CACNA1G: variants seen among roughly 807,000 people sequenced by gnomAD.
CACNA1G encodes the protein calcium voltage-gated channel subunit alpha1 G.
In CACNA1G, 67 loss-of-function variants were observed where a neutral mutation model predicts 219.4. The observed-to-expected ratio is 0.31, with a 90% CI of 0.25 to 0.37. CACNA1G has a LOEUF of 0.37. Among genes scored for constraint, CACNA1G ranks in the 10% least tolerant of loss-of-function variants. The pLI is 1.00. For synonymous variants in CACNA1G, 1,296 were observed against 1,345.3 expected (o/e 0.96, Z 0.80); for missense variants, 2,380 against 3,231.4 (o/e 0.74, Z 6.39).
At chr17:50,569,606 G>A (rs2038892990) in intron 3 of CACNA1G, 100 bp from the exon 4 acceptor site, 1 of 837,704 alleles carries the variant, frequency 1.2e-6, no homozygotes, top group Non-Finnish European at 1.9e-6. Flanking sequence ...AGGAGTCAGA[G>A]GTCATCCTGC....
Position 50,600,670 on chromosome 17 carries a change from G to C in CACNA1G, c.3691-56G>C. On this transcript the variant is annotated intron_variant, in intron 17 of 37. Transcript: ENST00000359106. The surrounding 1 kb of genome is among the most constrained non-coding windows in gnomAD (Gnocchi z 4.1). ...GGCTCGTGACTCTGCTGAGGAGCCAGGAGCCGGGGAACCTGGAGGCCTGGT... is the reference window on the plus strand; with the variant it reads ...GGCTCGTGACTCTGCTGAGGAGCCACGAGCCGGGGAACCTGGAGGCCTGGT... 2.0e-6 allele frequency: 3 copies of C among 1,465,292 alleles called. No individual in the cohort carries two copies. Among genetic ancestry groups the C allele is most frequent in the Non-Finnish European group, 2.9e-6 (3 of 1,045,994 alleles). The allele number at this position is 1,465,292 out of a possible 1,614,324, so 90.8% of individuals were successfully genotyped here.
At position 50,564,125 on chromosome 17, in the gene CACNA1G, A is replaced by AGTGTGTGTGTGTGTGTGTGTGT. The variant is rs67152102; in HGVS notation, c.242+2441_242+2462dup. 1.5e-3 allele frequency among the ~76,000 whole-genome samples: 214 copies of AGTGTGTGTGTGTGTGTGTGTGT among 138,692 alleles called. 3 individuals carry two copies. The highest frequency in any genetic ancestry group is 5.6e-3 in the African/African-American group (193 of 34,288). The allele number at this position is 138,692 out of a possible 152,430, so 91.0% of individuals were successfully genotyped here. A position where few individuals can be genotyped will look rare whatever the true frequency, so the allele number is the denominator to read the frequency against. ...AGAGGAGATCTAGACCCAGGTAGGAAGTGTGTGTGTGTGTGTGTGTGTGTG... is the reference window on the plus strand; with the variant it reads ...AGAGGAGATCTAGACCCAGGTAGGAAGTGTGTGTGTGTGTGTGTGTGTGTGTGTGTGTGTGTGTGTGTGTGTG... On this transcript the variant is annotated intron_variant, in intron 1 of 37. Coordinates refer to ENST00000359106, the MANE Select transcript of CACNA1G (RefSeq NM_018896.5).
rs769689384 is a variant in CACNA1G at position 50,590,488 on chromosome 17, C to T, written c.2319C>T (p.Asn773=). 1.7e-5 allele frequency: 28 copies of T among 1,613,800 alleles called. No homozygotes were observed. Among genetic ancestry groups the T allele is most frequent in the South Asian group, 4.4e-5 (4 of 91,092 alleles). The change falls in exon 10 of 38, where the codon AAC becomes AAT. Residue 773 remains asparagine, a synonymous_variant. Coordinates refer to ENST00000359106, the MANE Select transcript of CACNA1G (RefSeq NM_018896.5). ...CCCTGCAGCCCGAGGAGCTTACCAA[C>T]GCCCTAGAAATCAGCAACATCGTCT... ...EYHEQPEELT[N]ALEISNIVFT...
chr17:50,566,709 G>T (rs2037968315), intron 1 of CACNA1G, among the ~76,000 whole-genome samples: 1 of 152,230 alleles, frequency 6.6e-6, no homozygotes, highest in African/African-American at 2.4e-5. Context: ...TTGATTGGTT[G>T]ATTCGTTCAT....
At chr17:50,594,914 T>G in intron 13 of CACNA1G, 79 bp from the exon 14 acceptor site, 1 of 1,097,960 alleles carries the variant, frequency 9.1e-7, no homozygotes, top group South Asian at 1.4e-5. Flanking sequence ...TTCTTCATCC[T>G]CTCTCGACAC....
At chr17:50,581,020 A>G (rs1194238364) in intron 9 of CACNA1G, among the ~76,000 whole-genome samples, 1 of 148,188 alleles carries the variant, frequency 6.7e-6, no homozygotes, top group Non-Finnish European at 1.5e-5. Context: ...ACAGAGACAC[A>G]TGGGGGAATG....
chr17:50,587,617 G>A (rs549751498), intron 9 of CACNA1G, among the ~76,000 whole-genome samples: 6 of 152,348 alleles, frequency 3.9e-5, no homozygotes, highest in African/African-American at 1.4e-4. Context: ...AGAAGAAGTG[G>A]CATTTACCCT....
intron 7 of CACNA1G, among the ~76,000 whole-genome samples, chr17:50,575,003 T>A (rs1181253093): frequency 6.6e-6 from 1 of 152,130 alleles, no homozygotes; most frequent in South Asian, 2.1e-4. Context: ...TGAGGTCCCA[T>A]GGCTAAGGGT....
At chr17:50,581,618 G>A (rs992223170) in intron 9 of CACNA1G, among the ~76,000 whole-genome samples, 2 of 152,222 alleles carry the variant, frequency 1.3e-5, no homozygotes, top group East Asian at 3.9e-4. Context: ...CCCGGGGCTG[G>A]CCCCATGCTG....
chr17:50,576,400 G>A, intron 8 of CACNA1G, 74 bp downstream of exon 8: 8 of 1,432,490 alleles, frequency 5.6e-6, no homozygotes, highest in African/African-American at 1.4e-5. Flanking sequence ...GGACTAGGGG[G>A]TCTGGAGTCA....
In CACNA1G at chr17:50,596,775, C is replaced by T. The variant is rs573756072; in HGVS notation, c.3110C>T (p.Pro1037Leu). The part of the protein sequence containing the change: ...EHPELRKSLL[P>L]PLIIHTAATP... The stretch of plus-strand genomic sequence containing the variant: ...CCGGAGCTGCGGAAGAGCCTGCTGC[C>T]GCCTCTCATCATCCACACGGCCGCC... The change falls in exon 16 of 38, where the codon CCG (proline) becomes CTG (leucine). Residue 1037 changes from proline to leucine, a missense_variant. By Grantham distance (98) the Pro-to-Leu change is moderately conservative. Around this residue, in one of 17 missense-constraint regions of CACNA1G, gnomAD observed 418 missense variants for 434.3 expected, o/e 0.96. Coordinates refer to ENST00000359106, the MANE Select transcript of CACNA1G (RefSeq NM_018896.5). This position sits in a 1 kb window ranked among gnomAD's most constrained non-coding sequence, Gnocchi z 4.8. The T allele has an allele frequency of 5.0e-6, 8 of 1,612,522 alleles. No homozygotes were observed. The highest frequency in any genetic ancestry group is 6.8e-6 in the Non-Finnish European group (8 of 1,179,754).
chr17:50,585,864 C>T (rs1454220368), intron 9 of CACNA1G, among the ~76,000 whole-genome samples: 1 of 152,188 alleles, frequency 6.6e-6, no homozygotes, highest in Admixed American at 6.5e-5. Context: ...GTGGGAGCAG[C>T]AGGCAGGCCC....
In CACNA1G at chr17:50,578,999, A is replaced by G. The variant is rs1047307704; in HGVS notation, c.2301+435A>G. Among the ~76,000 whole-genome samples, 17 of 152,188 alleles carry G rather than the reference A, an allele frequency of 1.1e-4. No homozygotes were observed. The highest frequency in any genetic ancestry group is 3.6e-4 in the African/African-American group (15 of 41,504). On this transcript the variant is annotated intron_variant, in intron 9 of 37. Coordinates refer to ENST00000359106, the MANE Select transcript of CACNA1G (RefSeq NM_018896.5). The surrounding 1 kb of genome is among the most constrained non-coding windows in gnomAD (Gnocchi z 4.5). ...TGACTGATTGGAGGCAGGAGGGGCC[A>G]TGTAAACAGGGGTGCAGAGGGGAGG... is the stretch of plus-strand genomic sequence containing the variant.
At position 50,568,957 on chromosome 17, in the gene CACNA1G, C is replaced by T. The variant is rs576295333; in HGVS notation, c.330C>T (p.Asp110=). 6.4e-4 allele frequency: 1,025 copies of T among 1,611,736 alleles called. 15 individuals carry two copies. The South Asian group carries it at 0.011, about 17-fold the overall frequency. ...MFRPCEDIAC[D]SQRCRILQAF... ...GGCCATGCGAGGACATCGCCTGTGA[C>T]TCCCAGCGCTGCCGGATCCTGCAGG... Residue 110 remains aspartate, a synonymous_variant, in exon 2 of 38, where the codon GAC becomes GAT. Transcript: ENST00000359106.
intron 9 of CACNA1G, among the ~76,000 whole-genome samples, chr17:50,583,826 C>T (rs1030730402): frequency 2.0e-5 from 3 of 152,080 alleles, no homozygotes; most frequent in African/African-American, 7.2e-5. Flanking sequence ...GTTAGCCCAG[C>T]GAGGAAGCCG....
chr17:50,563,533 C>T (rs2144322203), intron 1 of CACNA1G, among the ~76,000 whole-genome samples: 1 of 152,294 alleles, frequency 6.6e-6, no homozygotes, highest in South Asian at 2.1e-4. Context: ...CTCTTCTCTC[C>T]CCTCTCCCTG....
chr17:50,591,034 T>C (rs542818659), intron 10 of CACNA1G, among the ~76,000 whole-genome samples: 11 of 152,226 alleles, frequency 7.2e-5, no homozygotes, highest in Admixed American at 4.6e-4. Flanking sequence ...CAACTTGCTT[T>C]AGGGTTTCCA....
chr17:50,566,127 C>T (rs2037770518), intron 1 of CACNA1G, among the ~76,000 whole-genome samples: 1 of 152,172 alleles, frequency 6.6e-6, no homozygotes, highest in East Asian at 1.9e-4. Flanking sequence ...TGCATAAGGA[C>T]AAGACAACAG....
intron 12 of CACNA1G, 31 bp from the exon 13 acceptor site, chr17:50,591,906 A>G (rs1568068057): frequency 3.7e-6 from 6 of 1,613,936 alleles, no homozygotes; most frequent in Admixed American, 3.3e-5. Context: ...TGCCCCTAGT[A>G]TAGGCCCTGA....
Sources: gnomAD v4.1 joint callset for allele counts (sites outside exome capture counted in the v4.1 genomes callset) on GRCh38, gnomAD v4.1.1 for gene constraint, gnomAD v4.1.1 regional missense constraint, Gnocchi (gnomAD v3.1) non-coding constraint, MANE v1.5 for transcripts, NCBI Gene and HGNC (gene_info 2026-07-23, HGNC 2026-07-21) for gene names.